SLC35E3: variants seen among roughly 807,000 people sequenced by gnomAD.
SLC35E3 encodes the protein bladder cancer-overexpressed gene 1 protein.
A neutral mutation model predicts 30.8 loss-of-function variants in SLC35E3; 28 were observed. That is an observed-to-expected ratio of 0.91 (90% CI 0.67 to 1.25). The LOEUF (loss-of-function observed/expected upper bound fraction) is 1.25. SLC35E3 is among the 50% of genes most tolerant of loss of function. The pLI, the probability that SLC35E3 is intolerant of heterozygous loss-of-function variation, is 0.00. For synonymous variants in SLC35E3, 146 were observed against 149.2 expected (o/e 0.98, Z 0.16); for missense variants, 365 against 375.4 (o/e 0.97, Z 0.23).
chr12:68,750,226 T>C (rs1055748127), intron 2 of SLC35E3, among the ~76,000 whole-genome samples: 1 of 152,152 alleles, frequency 6.6e-6, no homozygotes, highest in African/African-American at 2.4e-5. Context: ...AGCCCATTTG[T>C]AGAAAAAAGG....
At chr12:68,746,893 T>C (rs1253919156) in intron 1 of SLC35E3, 114 bp downstream of exon 1, 1 of 1,171,140 alleles carries the variant, frequency 8.5e-7, no homozygotes, top group Non-Finnish European at 1.2e-6. Flanking sequence ...CACAAATGAG[T>C]CATCTGTGGG....
chr12:68,753,906 A>C (rs1291647729), intron 3 of SLC35E3, among the ~76,000 whole-genome samples: 1 of 151,774 alleles, frequency 6.6e-6, no homozygotes, highest in Admixed American at 6.6e-5. Flanking sequence ...GCTGGAGTGC[A>C]GTGGTGCAAT....
Position 68,769,804 on chromosome 12 carries a change from A to T in SLC35E3, c.*4914A>T, listed in dbSNP as rs1035517795. The T allele has an allele frequency of 6.6e-6, 1 of 152,244 alleles. No individual in the cohort carries two copies. The highest frequency in any genetic ancestry group is 1.5e-5 in the Non-Finnish European group (1 of 68,052). 9.4% of individuals were successfully genotyped at this position (152,244 alleles called of 1,614,324 possible). On this transcript the variant is annotated 3_prime_UTR_variant, in exon 5 of 5. Coordinates refer to ENST00000398004, the MANE Select transcript of SLC35E3 (RefSeq NM_018656.5). ...TTCATTCAACAAAAATTTATTGAGCATATACTGTGTGCCAGGTACTGTCCT... is the reference window on the plus strand; with the variant it reads ...TTCATTCAACAAAAATTTATTGAGCTTATACTGTGTGCCAGGTACTGTCCT...
intron 4 of SLC35E3, chr12:68,759,934 A>ACTCCAGATAGCAGCACCATAAGCT: frequency 6.6e-6 from 1 of 152,362 alleles, no homozygotes. Context: ...AGGAATGGTT[A>ACTCCAGATAGCAGCACCATAAGCT]ACAAATAACA....
intron 2 of SLC35E3, among the ~76,000 whole-genome samples, chr12:68,750,308 G>C (rs1303290920): frequency 1.3e-5 from 2 of 152,232 alleles, no homozygotes; most frequent in Non-Finnish European, 1.5e-5. Flanking sequence ...CCAATATAAG[G>C]TTAAGGATGC....
At chr12:68,751,122 G>T (rs10748108) in intron 2 of SLC35E3, among the ~76,000 whole-genome samples, 46,523 of 151,734 alleles carry the variant, frequency 0.31, 7,193 homozygotes, top group Middle Eastern at 0.34. Flanking sequence ...ATTGGTGGGG[G>T]ATGAGGAATA....
rs67613806 is a variant in SLC35E3, at chr12:68,774,579, C to CAAAAAAA, written c.*9696_*9702dup. The CAAAAAAA allele has an allele frequency of 7.0e-6, 1 of 143,396 alleles. No individual in the cohort carries two copies. 8.9% of individuals were successfully genotyped at this position (143,396 alleles called of 1,614,324 possible). ...GGGCAACAAGAGTGAAACTCCATCT[C>CAAAAAAA]AAAAAAAAAAAAATTAGGTATATTG... On this transcript the variant is annotated 3_prime_UTR_variant, in exon 5 of 5. Transcript: ENST00000398004.
rs1020021382 is a variant in SLC35E3, at chr12:68,768,758, T to G, written c.*3868T>G. 2 of 152,242 alleles carry G rather than the reference T, an allele frequency of 1.3e-5. No individual in the cohort carries two copies. The highest frequency in any genetic ancestry group is 4.8e-5 in the African/African-American group (2 of 41,472). 9.4% of individuals were successfully genotyped at this position (152,242 alleles called of 1,614,324 possible). On this transcript the variant is annotated 3_prime_UTR_variant, in exon 5 of 5. Coordinates refer to ENST00000398004, the MANE Select transcript of SLC35E3 (RefSeq NM_018656.5). ...GCATGGTAACGCTGACGTGTTCAGC[T>G]GTTCATATTTGGCCTGTCCAAATAA...
At position 68,768,829 on chromosome 12, in the gene SLC35E3, T is replaced by A. The variant is rs1879527330; in HGVS notation, c.*3939T>A. 6.6e-6 allele frequency: 1 copy of A among 152,172 alleles called. No homozygotes were observed. Among genetic ancestry groups the A allele is most frequent in the Non-Finnish European group, 1.5e-5 (1 of 68,026 alleles). The allele number at this position is 152,172 out of a possible 1,614,324, so 9.4% of individuals were successfully genotyped here. On this transcript the variant is annotated 3_prime_UTR_variant, in exon 5 of 5. Transcript: ENST00000398004. ...ATTCCATCTCCTTTTAGAAATAACA[T>A]AAAGGAGAAATCTATCTCTGTGAAA...
At position 68,759,100 on chromosome 12, in the gene SLC35E3, G is replaced by T. The variant is rs986334128; in HGVS notation, c.673-57G>T. 15 of 1,156,444 alleles carry T rather than the reference G, an allele frequency of 1.3e-5. No individual in the cohort carries two copies. In the African/African-American group the frequency reaches 2.3e-4, roughly 18 times the overall value. The allele number at this position is 1,156,444 out of a possible 1,614,324, so 71.6% of individuals were successfully genotyped here. On this transcript the variant is annotated intron_variant, in intron 3 of 4. Transcript: ENST00000398004. Reference sequence around the variant, plus strand: ...AAAATGCCGAATGAAATGTATCTTTGCTTGATGATTATGATTGCAGTGCTT... The same window carrying T: ...AAAATGCCGAATGAAATGTATCTTTTCTTGATGATTATGATTGCAGTGCTT...
At chr12:68,748,068 CT>C in intron 2 of SLC35E3, 28 bp downstream of exon 2, 4 of 1,229,926 alleles carry the variant, frequency 3.3e-6, no homozygotes, top group Non-Finnish European at 3.6e-6. Context: ...CTTTATGTGC[CT>C]TTTTAGCAGA....
In SLC35E3 at chr12:68,773,731, G is replaced by A. The variant is rs1465793160; in HGVS notation, c.*8841G>A. 1 of 152,072 alleles carries A rather than the reference G, an allele frequency of 6.6e-6. No homozygotes were observed. The allele number at this position is 152,072 out of a possible 1,614,324, so 9.4% of individuals were successfully genotyped here. The stretch of plus-strand genomic sequence containing the variant: ...AAAGCAAGATTAACCTTTTTGGACT[G>A]GAGTTCTTAGAGAATTATGGTGTGA... On this transcript the variant is annotated 3_prime_UTR_variant, in exon 5 of 5. Coordinates refer to ENST00000398004, the MANE Select transcript of SLC35E3 (RefSeq NM_018656.5).
rs1455524611 is a variant in SLC35E3 at position 68,766,799 on chromosome 12, G to T, written c.*1909G>T. ...AGAGTTTTGCCATGTTGCTCAGGCT[G>T]ATCTCAAACTCTTGAGCTCAAGCCA... On this transcript the variant is annotated 3_prime_UTR_variant, in exon 5 of 5. Coordinates refer to ENST00000398004, the MANE Select transcript of SLC35E3 (RefSeq NM_018656.5). 1 of 449,524 alleles carries T rather than the reference G, an allele frequency of 2.2e-6. No individual in the cohort carries two copies. Among genetic ancestry groups the T allele is most frequent in the Admixed American group, 2.4e-5 (1 of 41,390 alleles). 27.8% of individuals were successfully genotyped at this position (449,524 alleles called of 1,614,324 possible).
intron 3 of SLC35E3, among the ~76,000 whole-genome samples, chr12:68,758,148 G>A (rs939013815): frequency 2.0e-5 from 3 of 151,770 alleles, no homozygotes; most frequent in Non-Finnish European, 4.4e-5. Flanking sequence ...TCGGCCGGGT[G>A]CAGTGGCTCA....
chr12:68,763,920 A>G (rs12372102), intron 4 of SLC35E3, among the ~76,000 whole-genome samples: 37,376 of 152,130 alleles, frequency 0.25, 5,594 homozygotes, highest in Non-Finnish European at 0.35. Context: ...ACAACCGTAA[A>G]TAGGAAGAGT....
chr12:68,765,632 A>G lies in SLC35E3; in HGVS notation c.*742A>G, dbSNP rs1341417947. On this transcript the variant is annotated 3_prime_UTR_variant, in exon 5 of 5. Transcript: ENST00000398004. The stretch of plus-strand genomic sequence containing the variant: ...TATGTGTGTGTGTGTATATATATAT[A>G]TATGTGTGTGTGTGTGTGTGTATAC... The G allele has an allele frequency of 1.6e-5, 2 of 125,912 alleles. No individual in the cohort carries two copies. The highest frequency in any genetic ancestry group is 6.0e-5 in the African/African-American group (2 of 33,600). The allele number at this position is 125,912 out of a possible 1,614,324, so 7.8% of individuals were successfully genotyped here. A position where few individuals can be genotyped will look rare whatever the true frequency, so the allele number is the denominator to read the frequency against.
intron 4 of SLC35E3, among the ~76,000 whole-genome samples, chr12:68,760,489 G>C (rs1879204478): frequency 1.3e-5 from 2 of 152,132 alleles, no homozygotes; most frequent in South Asian, 4.1e-4. Flanking sequence ...GGTAAAGTCT[G>C]TCATTTTTGT....
chr12:68,760,986 A>G (rs987871130), intron 4 of SLC35E3, among the ~76,000 whole-genome samples: 9 of 152,204 alleles, frequency 5.9e-5, no homozygotes, highest in African/African-American at 1.9e-4. Context: ...ACATTTGAGT[A>G]AAGACCTGAA....
At chr12:68,756,939 C>A (rs774953431) in intron 3 of SLC35E3, among the ~76,000 whole-genome samples, 5 of 152,186 alleles carry the variant, frequency 3.3e-5, no homozygotes, top group African/African-American at 1.2e-4. Flanking sequence ...GGCGTGAACC[C>A]GCGAGGCGGA....
Sources: allele counts gnomAD v4.1 joint callset (sites outside exome capture counted in the v4.1 genomes callset), GRCh38; gene constraint gnomAD v4.1.1; transcripts MANE v1.5; gene names NCBI Gene and HGNC (gene_info 2026-07-23, HGNC 2026-07-21).